CENPK: variants seen among roughly 807,000 people sequenced by gnomAD.
CENPK encodes SoxLZ/Sox6-binding protein Solt.
CENPK carries 46 observed loss-of-function variants against 40.9 expected under a neutral mutation model. The observed-to-expected ratio is 1.13, with a 90% CI of 0.89 to 1.44. CENPK has a LOEUF of 1.44. Ranked by LOEUF, CENPK falls within the 40% of genes most tolerant of loss-of-function variation. The probability of loss-of-function intolerance (pLI) is 0.00; values close to 1 mark genes in which losing one functional copy is unlikely to be tolerated. For missense variants in CENPK, 288 were observed against 303.5 expected (o/e 0.95, Z 0.38); for synonymous variants, 107 against 104.4 (o/e 1.02, Z -0.15).
intron 2 of CENPK, among the ~76,000 whole-genome samples, chr5:65,557,733 G>A (rs760157197): frequency 7.9e-5 from 12 of 152,172 alleles, no homozygotes; most frequent in Non-Finnish European, 1.3e-4. Context: ...CAAAACTCAT[G>A]AGCGTAATAA....
At chr5:65,554,766 T>TTA (rs1750706213) in intron 3 of CENPK, 31 bp downstream of exon 3, 1 of 1,121,614 alleles carries the variant, frequency 8.9e-7, no homozygotes, top group African/African-American at 1.5e-5. Flanking sequence ...AAATCTTATA[T>TTA]TAACTATCAC....
At chr5:65,549,679 C>T (rs1320529584) in intron 5 of CENPK, among the ~76,000 whole-genome samples, 1 of 152,178 alleles carries the variant, frequency 6.6e-6, no homozygotes, top group African/African-American at 2.4e-5. Context: ...CCTCATGAAC[C>T]AACCTCTGCT....
chr5:65,502,670 T>G, the CENPK span, among the ~76,000 whole-genome samples: 2 of 151,928 alleles, frequency 1.3e-5, no homozygotes, highest in Admixed American at 6.6e-5. Flanking sequence ...GAGGCTAGAG[T>G]GCAGTGGTGA....
chr5:65,526,217 T>A (rs1195532051), intron 9 of CENPK, among the ~76,000 whole-genome samples: 2 of 54,564 alleles, frequency 3.7e-5, no homozygotes, highest in African/African-American at 1.3e-4. Context: ...TTGAAAAAAA[T>A]TTGAAAAAAA....
chr5:65,531,361 TATTA>T (rs1187642463), intron 6 of CENPK, among the ~76,000 whole-genome samples: 1 of 151,412 alleles, frequency 6.6e-6, no homozygotes, highest in Non-Finnish European at 1.5e-5. Flanking sequence ...AATAGGAAAT[TATTA>T]TAACTGAATA....
At chr5:65,558,907 G>A (rs1751441281) in intron 2 of CENPK, among the ~76,000 whole-genome samples, 2 of 152,196 alleles carry the variant, frequency 1.3e-5, no homozygotes, top group South Asian at 2.1e-4. Flanking sequence ...AAAGGGCAAT[G>A]AGCCAGGAGC....
intron 5 of CENPK, among the ~76,000 whole-genome samples, chr5:65,547,082 C>G (rs1749133746): frequency 6.6e-6 from 1 of 152,042 alleles, no homozygotes; most frequent in Non-Finnish European, 1.5e-5. Context: ...ATAGGGTCCT[C>G]TGGAGAACTT....
In CENPK at chr5:65,517,847, T is replaced by A. The variant is rs1742997647; in HGVS notation, c.*628A>T. On this transcript the variant is annotated 3_prime_UTR_variant, in exon 11 of 11. Coordinates refer to ENST00000396679, the MANE Select transcript of CENPK (RefSeq NM_022145.5). ...GTCATGAATACAATTTTGTTGGTAA[T>A]AATTAGCAGAATCAAGAGTAGATTA... 6.6e-6 allele frequency: 1 copy of A among 152,072 alleles called. No homozygotes were observed. The highest frequency in any genetic ancestry group is 2.1e-4 in the South Asian group (1 of 4,830). 9.4% of individuals were successfully genotyped at this position (152,072 alleles called of 1,614,324 possible).
the CENPK span, among the ~76,000 whole-genome samples, chr5:65,504,621 C>T: frequency 1.8e-3 from 276 of 152,154 alleles, 2 homozygotes; most frequent in African/African-American, 6.2e-3. Context: ...TATGAATAGG[C>T]TAATACAAAC....
intron 10 of CENPK, among the ~76,000 whole-genome samples, chr5:65,519,333 C>A (rs1743288470): frequency 6.6e-6 from 1 of 152,114 alleles, no homozygotes; most frequent in African/African-American, 2.4e-5. Flanking sequence ...AAATGCACTG[C>A]TATTATAAAA....
At chr5:65,558,743 A>G (rs1418151360) in intron 2 of CENPK, among the ~76,000 whole-genome samples, 1 of 152,222 alleles carries the variant, frequency 6.6e-6, no homozygotes, top group East Asian at 1.9e-4. Context: ...AGGTACAGAC[A>G]GGGACAAAGT....
chr5:65,501,174 G>GTT, the CENPK span, among the ~76,000 whole-genome samples: 386 of 61,728 alleles, frequency 6.3e-3, 1 homozygote, highest in African/African-American at 0.011. Context: ...TGCTAAGTTT[G>GTT]TTTTTTTTTT....
At chr5:65,556,657 TAA>T (rs1351776995) in intron 2 of CENPK, among the ~76,000 whole-genome samples, 1 of 152,186 alleles carries the variant, frequency 6.6e-6, no homozygotes, top group Admixed American at 6.5e-5. Flanking sequence ...TAGTATAGCC[TAA>T]GTGTACAGTA....
the CENPK span, among the ~76,000 whole-genome samples, chr5:65,506,523 C>T: frequency 6.6e-6 from 1 of 152,108 alleles, no homozygotes; most frequent in African/African-American, 2.4e-5. Flanking sequence ...GTGGCTCACA[C>T]CTGTAATCCT....
downstream of CENPK, among the ~76,000 whole-genome samples, chr5:65,512,970 A>G (rs922902925): frequency 1.3e-5 from 2 of 152,130 alleles, no homozygotes; most frequent in South Asian, 2.1e-4. Flanking sequence ...TGCTATCTAT[A>G]TATCTTCTTT....
At chr5:65,510,071 A>G in the CENPK span, among the ~76,000 whole-genome samples, 1 of 152,208 alleles carries the variant, frequency 6.6e-6, no homozygotes, top group Non-Finnish European at 1.5e-5. Flanking sequence ...AATAACCTAC[A>G]ACGACCTCTA....
chr5:65,536,278 C>T (rs6870248), intron 6 of CENPK, among the ~76,000 whole-genome samples: 104,042 of 151,798 alleles, frequency 0.69, 36,155 homozygotes, highest in East Asian at 0.89. Context: ...TCATTCTAAA[C>T]TCATTGTGTT....
chr5:65,525,870 A>G (rs1744614080), intron 9 of CENPK, among the ~76,000 whole-genome samples: 3 of 123,888 alleles, frequency 2.4e-5, no homozygotes, highest in Non-Finnish European at 5.2e-5. Flanking sequence ...ACCAGAAACC[A>G]ACCCGACAGT....
chr5:65,560,175 T>C (rs1376389592), intron 2 of CENPK, among the ~76,000 whole-genome samples: 1 of 151,896 alleles, frequency 6.6e-6, no homozygotes. Flanking sequence ...TGGACAAACA[T>C]CTCATCAACA....
Sources: gnomAD v4.1 joint callset for allele counts (sites outside exome capture counted in the v4.1 genomes callset) on GRCh38, gnomAD v4.1.1 for gene constraint, MANE v1.5 for transcripts, NCBI Gene and HGNC (gene_info 2026-07-23, HGNC 2026-07-21) for gene names.